Variants in PRKCE observed in about 807,000 individuals in gnomAD.
PRKCE encodes the protein protein kinase C epsilon type.
PRKCE carries 16 observed loss-of-function variants against 85.4 expected under a neutral mutation model. That is an observed-to-expected ratio of 0.19 (90% CI 0.13 to 0.28). The LOEUF (loss-of-function observed/expected upper bound fraction) is 0.28. Ranked by LOEUF, PRKCE falls within the 10% of genes least tolerant of loss-of-function variation. The probability of loss-of-function intolerance (pLI) is 1.00; values close to 1 mark genes in which losing one functional copy is unlikely to be tolerated. For synonymous variants in PRKCE, 388 were observed against 371.5 expected (o/e 1.04, Z -0.51); for missense variants, 573 against 975.2 (o/e 0.59, Z 5.49).
chr2:45,656,458 G>C (rs588969), intron 1 of PRKCE, among the ~76,000 whole-genome samples: 45,303 of 152,078 alleles, frequency 0.3, 7,114 homozygotes, highest in African/African-American at 0.39. Context: ...GATGACAAAG[G>C]AGGTTGCTTT....
In PRKCE at chr2:46,001,329, A is replaced by G. The variant is rs953397256; in HGVS notation, c.824-75A>G. 4.2e-6 allele frequency: 6 copies of G among 1,431,646 alleles called. No individual in the cohort carries two copies. In the African/African-American group the frequency reaches 8.6e-5, roughly 20 times the overall value. The allele number at this position is 1,431,646 out of a possible 1,614,324, so 88.7% of individuals were successfully genotyped here. On this transcript the variant is annotated intron_variant, in intron 6 of 14. Coordinates refer to ENST00000306156, the MANE Select transcript of PRKCE (RefSeq NM_005400.3). The surrounding 1 kb of genome is among the most constrained non-coding windows in gnomAD (Gnocchi z 4.4). ...ACATGTAATACTTCATGAACATATA[A>G]TACAATCTCAAAGAAAAGAAGCAAC...
chr2:46,007,346 G>A (rs1705293446), intron 8 of PRKCE, 116 bp from the exon 9 acceptor site: 1 of 1,007,340 alleles, frequency 9.9e-7, no homozygotes, highest in Non-Finnish European at 1.5e-6. Flanking sequence ...TGGATCTGTT[G>A]TGAAGAACCA....
chr2:45,744,221 ACAGGAAGC>A (rs1198713215), intron 1 of PRKCE, among the ~76,000 whole-genome samples: 1 of 152,170 alleles, frequency 6.6e-6, no homozygotes, highest in African/African-American at 2.4e-5. Flanking sequence ...TAGCTCAGGC[ACAGGAAGC>A]CAGGAAGCTC....
At chr2:46,072,381 A>C (rs1248957647) in intron 10 of PRKCE, among the ~76,000 whole-genome samples, 1 of 152,250 alleles carries the variant, frequency 6.6e-6, no homozygotes, top group Non-Finnish European at 1.5e-5. Context: ...TCAGAACATG[A>C]AAGGGGATTT....
chr2:46,147,803 G>T (rs1228936187), intron 12 of PRKCE, among the ~76,000 whole-genome samples: 1 of 152,312 alleles, frequency 6.6e-6, no homozygotes, highest in East Asian at 1.9e-4. Flanking sequence ...GATAGGAAAC[G>T]CAATCCTGAG....
At chr2:46,134,388 G>C (rs1674756160) in intron 11 of PRKCE, among the ~76,000 whole-genome samples, 1 of 152,168 alleles carries the variant, frequency 6.6e-6, no homozygotes, top group Non-Finnish European at 1.5e-5. Context: ...ATCCAAACTG[G>C]ATGGATGAGG....
intron 1 of PRKCE, among the ~76,000 whole-genome samples, chr2:45,710,056 A>G (rs1188649193): frequency 6.6e-6 from 1 of 152,120 alleles, no homozygotes; most frequent in Non-Finnish European, 1.5e-5. Flanking sequence ...AGTGATCCGG[A>G]AAGTTCTGGG....
intron 1 of PRKCE, among the ~76,000 whole-genome samples, chr2:45,744,051 G>T (rs115438970): frequency 0.016 from 2,416 of 151,682 alleles, 28 homozygotes; most frequent in Non-Finnish European, 0.024. Flanking sequence ...TGGGAGAAAG[G>T]CAGAGAGTAC....
chr2:45,972,207 G>A (rs1702154761), intron 2 of PRKCE, among the ~76,000 whole-genome samples: 1 of 152,112 alleles, frequency 6.6e-6, no homozygotes, highest in African/African-American at 2.4e-5. Flanking sequence ...TTTCCCTGAT[G>A]ATTAGTGATG....
intron 2 of PRKCE, among the ~76,000 whole-genome samples, chr2:45,871,579 A>G (rs957500575): frequency 1.3e-5 from 2 of 152,220 alleles, no homozygotes; most frequent in African/African-American, 4.8e-5. Context: ...AGAGCAGATG[A>G]TTTAGAGGTA....
intron 1 of PRKCE, among the ~76,000 whole-genome samples, chr2:45,713,143 C>T (rs573648817): frequency 1.3e-5 from 2 of 152,204 alleles, no homozygotes; most frequent in African/African-American, 2.4e-5. Context: ...GATCTGTAGT[C>T]GCTGTCACCT....
intron 1 of PRKCE, among the ~76,000 whole-genome samples, chr2:45,708,429 A>G (rs1039622805): frequency 5.9e-5 from 9 of 152,236 alleles, no homozygotes; most frequent in African/African-American, 1.9e-4. Context: ...TCATGGGGCC[A>G]GGTCTTTCCC....
Position 45,651,790 on chromosome 2 carries a change from C to T in PRKCE, c.-311C>T. On this transcript the variant is annotated 5_prime_UTR_variant, in exon 1 of 15. Transcript: ENST00000306156. ...GCGGCGAGGCAGCCCCCGCGGCTTG[C>T]AGCGGAGCCGACAGCTCGTCTTCTC... The T allele has an allele frequency of 4.2e-6, 1 of 239,128 alleles. No individual in the cohort carries two copies. Among genetic ancestry groups the T allele is most frequent in the Non-Finnish European group, 8.1e-6 (1 of 123,246 alleles). 14.8% of individuals were successfully genotyped at this position (239,128 alleles called of 1,614,324 possible).
intron 10 of PRKCE, among the ~76,000 whole-genome samples, chr2:46,077,850 A>T (rs1245094429): frequency 6.6e-6 from 1 of 152,242 alleles, no homozygotes; most frequent in African/African-American, 2.4e-5. Context: ...GTTCTGGGAC[A>T]CTGACTAGAC....
In PRKCE at chr2:45,677,922, A is replaced by G. The variant is rs935015964; in HGVS notation, c.348+25474A>G. The G allele has an allele frequency of 5.9e-5, 58 of 983,454 alleles. No homozygotes were observed. The African/African-American group carries it at 8.7e-4, about 15-fold the overall frequency. 60.9% of individuals were successfully genotyped at this position (983,454 alleles called of 1,614,324 possible). On this transcript the variant is annotated intron_variant, in intron 1 of 14. Coordinates refer to ENST00000306156, the MANE Select transcript of PRKCE (RefSeq NM_005400.3). Reference sequence around the variant, plus strand: ...TGAAGGGGTAGTGGGAACCGGTAGGAGCATATCAGTAGCTTTCCCTGCCCT... The same window carrying G: ...TGAAGGGGTAGTGGGAACCGGTAGGGGCATATCAGTAGCTTTCCCTGCCCT...
chr2:46,092,026 G>A (rs529006411), intron 11 of PRKCE, among the ~76,000 whole-genome samples: 3 of 152,164 alleles, frequency 2.0e-5, no homozygotes, highest in Non-Finnish European at 4.4e-5. Context: ...AACTACCCAG[G>A]GGTAAACAGT....
At chr2:46,112,492 G>T (rs936090460) in intron 11 of PRKCE, among the ~76,000 whole-genome samples, 8 of 128,808 alleles carry the variant, frequency 6.2e-5, no homozygotes, top group African/African-American at 2.1e-4. Flanking sequence ...TGTTTTTTTG[G>T]TTTTTTTTTT....
intron 2 of PRKCE, chr2:45,852,047 T>C (rs1464138569): frequency 1.3e-5 from 2 of 152,418 alleles, no homozygotes; most frequent in Admixed American, 1.3e-4. Context: ...ACAATCCCAC[T>C]GTGGCGTTTC....
rs1694890716 is a variant in PRKCE at position 45,881,551 on chromosome 2, A to G, written c.412+38488A>G. 2.0e-5 allele frequency among the ~76,000 whole-genome samples: 3 copies of G among 152,228 alleles called. No individual in the cohort carries two copies. In the East Asian group the frequency reaches 5.8e-4, roughly 29 times the overall value. On this transcript the variant is annotated intron_variant, in intron 2 of 14. Transcript: ENST00000306156. ...ATAGGTCCTTAATATGCACTAAATC[A>G]TATAAAAGCCAACTCTTACATAGTG...
Sources: allele counts gnomAD v4.1 joint callset (sites outside exome capture counted in the v4.1 genomes callset), GRCh38; gene constraint gnomAD v4.1.1; non-coding constraint Gnocchi (gnomAD v3.1); transcripts MANE v1.5; gene names NCBI Gene and HGNC (gene_info 2026-07-23, HGNC 2026-07-21).